SRPK2: variants seen among roughly 807,000 people sequenced by gnomAD.
SRPK2 encodes the protein SRSF protein kinase 2, also known as SFRS protein kinase 2.
Under a neutral mutation model 90.8 loss-of-function variants are expected in SRPK2, and 21 were observed. That is an observed-to-expected ratio of 0.23 (90% confidence interval 0.16 to 0.33). The LOEUF is 0.33. Ranked by LOEUF, SRPK2 falls within the 10% of genes least tolerant of loss-of-function variation. The pLI is 1.00. For missense variants in SRPK2, 620 were observed against 869.0 expected, an observed-to-expected ratio of 0.71 and a Z score of 3.60; for synonymous variants, 288 against 311.1, an observed-to-expected ratio of 0.93 and a Z score of 0.78.
intron 13 of SRPK2, among the ~76,000 whole-genome samples, chr7:105,127,666 G>A (rs1205207972): frequency 6.6e-6 from 1 of 152,158 alleles, no homozygotes; most frequent in African/African-American, 2.4e-5. Flanking sequence ...GGATGTCACG[G>A]AGCACTGGCT....
At chr7:105,171,013 G>GGA in intron 3 of SRPK2, among the ~76,000 whole-genome samples, 1 of 124,390 alleles carries the variant, frequency 8.0e-6, no homozygotes, top group Non-Finnish European at 1.9e-5. Flanking sequence ...AAGAAAGAAA[G>GGA]AGAGGAAGGA....
chr7:105,368,884 C>CAAAAA (rs5886350), intron 2 of SRPK2, among the ~76,000 whole-genome samples: 1 of 93,118 alleles, frequency 1.1e-5, no homozygotes, highest in African/African-American at 3.9e-5. Flanking sequence ...AACTCTATCT[C>CAAAAA]AAAAAAAAAA....
intron 2 of SRPK2, among the ~76,000 whole-genome samples, chr7:105,232,461 A>T (rs1185873465): frequency 0.028 from 235 of 8,288 alleles, 1 homozygote; most frequent in African/African-American, 0.091. Context: ...CCTTATCTAA[A>T]AAAAAAAAAA....
intron 2 of SRPK2, among the ~76,000 whole-genome samples, chr7:105,281,618 T>G (rs769060668): frequency 6.7e-6 from 1 of 149,226 alleles, no homozygotes; most frequent in Non-Finnish European, 1.5e-5. Context: ...CACCTGTGGA[T>G]AGTCACTGCA....
At chr7:105,383,340 T>C (rs1442915210) in intron 2 of SRPK2, among the ~76,000 whole-genome samples, 1 of 151,436 alleles carries the variant, frequency 6.6e-6, no homozygotes, top group Non-Finnish European at 1.5e-5. Context: ...GTGCTGGGAT[T>C]ATAGGCATGA....
chr7:105,204,834 A>T (rs970578092), intron 2 of SRPK2: 1 of 486,182 alleles, frequency 2.1e-6, no homozygotes, highest in Non-Finnish European at 4.0e-6. Flanking sequence ...AGCCGTTGTC[A>T]ATGAAGAGTT....
intron 2 of SRPK2, among the ~76,000 whole-genome samples, chr7:105,212,695 G>T (rs563054776): frequency 7.0e-4 from 106 of 152,234 alleles, no homozygotes; most frequent in African/African-American, 2.4e-3. Flanking sequence ...GTGTAGAACA[G>T]GTAGAAAGGA....
At chr7:105,305,360 C>A (rs1811027884) in intron 2 of SRPK2, among the ~76,000 whole-genome samples, 1 of 151,996 alleles carries the variant, frequency 6.6e-6, no homozygotes, top group Admixed American at 6.6e-5. Context: ...GCAGGAGAAT[C>A]TCTTGAACCC....
At chr7:105,127,725 A>ATTTGTTCC (rs1554409411) in intron 13 of SRPK2, among the ~76,000 whole-genome samples, 1 of 151,826 alleles carries the variant, frequency 6.6e-6, no homozygotes, top group African/African-American at 2.4e-5. Flanking sequence ...TGTAGGGAAC[A>ATTTGTTCC]CATTTCCCTT....
In SRPK2 at chr7:105,321,656, CAAAT is replaced by C. The variant is rs368421641; in HGVS notation, c.71+66988_71+66991del. The stretch of plus-strand genomic sequence containing the variant: ...AGCGAAAGATTTTAATAGAATCTCT[CAAAT>C]AAAATATACAAAAGGTCAACAAGAA... On this transcript the variant is annotated intron_variant, in intron 2 of 15. Transcript: ENST00000393651. Among the ~76,000 whole-genome samples the C allele has an allele frequency of 3.0e-3, 450 of 151,982 alleles. 3 individuals are homozygous for C. Among genetic ancestry groups the C allele is most frequent in the East Asian group, 0.018 (92 of 5,186 alleles).
At chr7:105,366,868 T>C (rs147858873) in intron 2 of SRPK2, among the ~76,000 whole-genome samples, 98 of 152,302 alleles carry the variant, frequency 6.4e-4, no homozygotes, top group African/African-American at 1.9e-3. Context: ...CAGGCAAACA[T>C]AGAATGCACT....
chr7:105,246,059 A>G (rs1031579353), intron 2 of SRPK2, among the ~76,000 whole-genome samples: 4 of 152,226 alleles, frequency 2.6e-5, no homozygotes, highest in African/African-American at 7.2e-5. Context: ...GAAAAGCTGG[A>G]AGGTTACATC....
chr7:105,213,631 T>C (rs1797113531), intron 2 of SRPK2, among the ~76,000 whole-genome samples: 1 of 152,176 alleles, frequency 6.6e-6, no homozygotes, highest in South Asian at 2.1e-4. Context: ...AAAGTAAGCC[T>C]ACCTTTTACA....
chr7:105,298,384 T>C (rs188526631), intron 2 of SRPK2, among the ~76,000 whole-genome samples: 1 of 152,316 alleles, frequency 6.6e-6, no homozygotes, highest in Admixed American at 6.5e-5. Context: ...ATTCACCAAT[T>C]AGGGAAATTT....
intron 2 of SRPK2, among the ~76,000 whole-genome samples, chr7:105,373,404 C>CTTTTTTT (rs60572082): frequency 4.7e-5 from 6 of 127,448 alleles, no homozygotes; most frequent in Non-Finnish European, 9.6e-5. Context: ...TTTTCTTTTC[C>CTTTTTTT]TTTTTTTTTT....
chr7:105,158,748 A>G lies in SRPK2; in HGVS notation c.621+1759T>C, dbSNP rs746843312. On this transcript the variant is annotated intron_variant, in intron 7 of 15. Transcript: ENST00000393651. The stretch of plus-strand genomic sequence containing the variant: ...CCTTTAATATTTTCAAGATTTATCA[A>G]AAATAATTAGGAGATTCTTCCCAAG... Among the ~76,000 whole-genome samples the G allele has an allele frequency of 8.6e-5, 13 of 151,966 alleles. No homozygotes were observed. The South Asian group carries it at 1.0e-3, about 12-fold the overall frequency.
intron 2 of SRPK2, among the ~76,000 whole-genome samples, chr7:105,262,601 C>T (rs555903272): frequency 6.1e-4 from 93 of 152,302 alleles, no homozygotes; most frequent in African/African-American, 2.1e-3. Flanking sequence ...TTAATACCCA[C>T]GGCCTCTAGT....
chr7:105,312,110 A>G (rs1253070774), intron 2 of SRPK2, among the ~76,000 whole-genome samples: 2 of 152,236 alleles, frequency 1.3e-5, no homozygotes, highest in Non-Finnish European at 2.9e-5. Flanking sequence ...TACATGAACA[A>G]ATAATTTCAA....
At chr7:105,300,616 C>T (rs1399637788) in intron 2 of SRPK2, among the ~76,000 whole-genome samples, 1 of 152,156 alleles carries the variant, frequency 6.6e-6, no homozygotes, top group Non-Finnish European at 1.5e-5. Context: ...ATCTACCCAT[C>T]TGACAAAGGG....
Sources: gnomAD v4.1 joint callset for allele counts (sites outside exome capture counted in the v4.1 genomes callset) on GRCh38, gnomAD v4.1.1 for gene constraint, MANE v1.5 for transcripts, NCBI Gene and HGNC (gene_info 2026-07-23, HGNC 2026-07-21) for gene names.